The following SLC3A2 variants were observed in gnomAD, a reference collection of about 807,000 sequenced individuals.
SLC3A2 encodes solute carrier family 3 member 2.
SLC3A2 carries 32 observed loss-of-function variants against 48.5 expected under a neutral mutation model. That is an observed-to-expected ratio of 0.66 (90% CI 0.50 to 0.89). SLC3A2 has a LOEUF of 0.89. SLC3A2 is among the 40% of genes least tolerant of loss of function. The pLI is 0.00. For synonymous variants in SLC3A2, 277 were observed against 288.8 expected, an observed-to-expected ratio of 0.96 and a Z score of 0.41; for missense variants, 587 against 680.7, an observed-to-expected ratio of 0.86 and a Z score of 1.53.
upstream of SLC3A2, among the ~76,000 whole-genome samples, chr11:62,878,186 A>C (rs2085589539): frequency 6.6e-6 from 1 of 151,346 alleles, no homozygotes; most frequent in South Asian, 2.1e-4. Context: ...AAACAAAAGG[A>C]ATTGACTTCA....
At position 62,881,730 on chromosome 11, in the gene SLC3A2, G is replaced by T. The variant is rs895017493; in HGVS notation, c.425-163G>T. 1 of 867,048 alleles carries T rather than the reference G, an allele frequency of 1.2e-6. No homozygotes were observed. The highest frequency in any genetic ancestry group is 1.7e-6 in the Non-Finnish European group (1 of 575,436). 53.7% of individuals were successfully genotyped at this position (867,048 alleles called of 1,614,324 possible). On this transcript the variant is annotated intron_variant, in intron 1 of 8. Coordinates refer to ENST00000338663, the MANE Select transcript of SLC3A2 (RefSeq NM_001013251.3). This position sits in a 1 kb window ranked among gnomAD's most constrained non-coding sequence, Gnocchi z 4.0. ...AACCGGTTTCTGAAGTAATGTGCAG[G>T]ACTCCTTACATCAGCTCCTCTGAGT...
intron 1 of SLC3A2, among the ~76,000 whole-genome samples, chr11:62,870,481 G>A (rs796416523): frequency 7.9e-5 from 12 of 152,018 alleles, no homozygotes; most frequent in African/African-American, 2.7e-4. Flanking sequence ...ACCGCGCCTG[G>A]CCTATTTGAT....
chr11:62,866,007 T>C (rs1463649193), intron 1 of SLC3A2, among the ~76,000 whole-genome samples: 1 of 152,202 alleles, frequency 6.6e-6, no homozygotes, highest in African/African-American at 2.4e-5. Flanking sequence ...AGTATATTCT[T>C]GATGGTCTTG....
upstream of SLC3A2, among the ~76,000 whole-genome samples, chr11:62,877,563 G>A (rs566514684): frequency 1.7e-4 from 26 of 152,362 alleles, no homozygotes; most frequent in Middle Eastern, 0.017. Context: ...GGACATGATT[G>A]TAGCAGAGGC....
intron 1 of SLC3A2, among the ~76,000 whole-genome samples, chr11:62,866,397 C>CT (rs934249588): frequency 2.0e-5 from 3 of 150,536 alleles, no homozygotes; most frequent in Non-Finnish European, 3.0e-5. Context: ...AGTTTCTTTG[C>CT]TTTTTTTTGG....
In SLC3A2 at chr11:62,881,981, C is replaced by G. The variant is rs770121813; in HGVS notation, c.513C>G (p.Val171=). 2 of 1,614,178 alleles carry G rather than the reference C, an allele frequency of 1.2e-6. No homozygotes were observed. Among genetic ancestry groups the G allele is most frequent in the Non-Finnish European group, 1.7e-6 (2 of 1,180,040 alleles). The change falls in exon 2 of 9, where the codon GTC becomes GTG. Residue 171 remains valine (V), a synonymous_variant. Coordinates refer to ENST00000338663, the MANE Select transcript of SLC3A2 (RefSeq NM_001013251.3). The surrounding 1 kb of genome is among the most constrained non-coding windows in gnomAD (Gnocchi z 4.0). ...GPIHKNQKDD[V]AQTDLLQIDP... is the part of the protein sequence containing the mutation. Reference sequence around the variant, plus strand: ...TTCACAAGAACCAGAAGGATGATGTCGCTCAGACTGACTTGCTGCAGATCG... The same window carrying G: ...TTCACAAGAACCAGAAGGATGATGTGGCTCAGACTGACTTGCTGCAGATCG...
upstream of SLC3A2, among the ~76,000 whole-genome samples, chr11:62,877,144 T>C (rs2085579316): frequency 6.6e-6 from 1 of 150,650 alleles, no homozygotes; most frequent in Non-Finnish European, 1.5e-5. Context: ...CACTGCAACC[T>C]CTGCCTCCTG....
chr11:62,884,273 G>T, intron 3 of SLC3A2, 184 bp from the exon 4 acceptor site: 1 of 627,086 alleles, frequency 1.6e-6, no homozygotes, highest in Non-Finnish European at 2.8e-6. Context: ...TGAGTGGAAG[G>T]GTAGAGCTGG....
upstream of SLC3A2, chr11:62,876,915 G>A (rs1416804974): frequency 3.0e-6 from 3 of 998,004 alleles, no homozygotes; most frequent in Admixed American, 1.2e-4. Flanking sequence ...TTTTATTTTG[G>A]TTGAACAGTT....
At chr11:62,864,612 G>A (rs1026326852) in intron 1 of SLC3A2, among the ~76,000 whole-genome samples, 5 of 148,278 alleles carry the variant, frequency 3.4e-5, no homozygotes, top group South Asian at 2.1e-4. Context: ...GATTACAGGC[G>A]CCCACCACCA....
At chr11:62,884,729 T>A in intron 5 of SLC3A2, 39 bp downstream of exon 5, 1 of 1,529,628 alleles carries the variant, frequency 6.5e-7, no homozygotes, top group Non-Finnish European at 8.8e-7. Context: ...AGCTCCAATG[T>A]GGGAACCCCT....
chr11:62,885,136 C>T, intron 5 of SLC3A2, 41 bp from the exon 6 acceptor site: 3 of 1,605,728 alleles, frequency 1.9e-6, no homozygotes, highest in Non-Finnish European at 1.7e-6. Context: ...TGGCCCCATT[C>T]TTTCTTGTGC....
chr11:62,856,477 A>G (rs1489478353), intron 1 of SLC3A2: 3 of 1,120,032 alleles, frequency 2.7e-6, no homozygotes, highest in South Asian at 3.0e-5. Context: ...TGAAGACAGG[A>G]TCTGATTTTT....
Position 62,881,362 on chromosome 11 carries a change from G to A in SLC3A2, c.339G>A (p.Pro113=). ...IVRAPRCREL[P]AQKWWHTGAL... is the part of the protein sequence containing the mutation. Reference sequence around the variant, plus strand: ...GAGCGCCGCGTTGTCGCGAGCTACCGGCGCAGAAGTGGTGGCACACGGGCG... The same window carrying A: ...GAGCGCCGCGTTGTCGCGAGCTACCAGCGCAGAAGTGGTGGCACACGGGCG... Residue 113 remains proline, a synonymous_variant, in exon 1 of 9, where the codon CCG becomes CCA. Transcript: ENST00000338663. This position sits in a 1 kb window ranked among gnomAD's most constrained non-coding sequence, Gnocchi z 4.0. The A allele has an allele frequency of 1.3e-6, 2 of 1,597,440 alleles. No homozygotes were observed. Among genetic ancestry groups the A allele is most frequent in the Non-Finnish European group, 1.7e-6 (2 of 1,176,814 alleles).
At chr11:62,879,418 G>A (rs2085605487), upstream of SLC3A2, among the ~76,000 whole-genome samples, 2 of 152,186 alleles carry the variant, frequency 1.3e-5, no homozygotes. Flanking sequence ...TTGAGCTTTT[G>A]TGCTCGAGAT....
At position 62,881,147 on chromosome 11, in the gene SLC3A2, C is replaced by T. The variant is rs1232118150; in HGVS notation, c.124C>T (p.Leu42=). The T allele has an allele frequency of 1.9e-6, 3 of 1,602,776 alleles. No homozygotes were observed. Among genetic ancestry groups the T allele is most frequent in the African/African-American group, 1.3e-5 (1 of 75,034 alleles). ...CCTGGCGGGAGCCGAGAAGAATGGT[C>T]TGGTGAAGATCAAGGTGGCGGAAGA... is the stretch of plus-strand genomic sequence containing the variant. The part of the protein sequence containing the change: ...MSLAGAEKNG[L]VKIKVAEDEA... Residue 42 remains leucine (L), a synonymous_variant, in exon 1 of 9, where the codon CTG becomes TTG. Coordinates refer to ENST00000338663, the MANE Select transcript of SLC3A2 (RefSeq NM_001013251.3). The surrounding 1 kb of genome is among the most constrained non-coding windows in gnomAD (Gnocchi z 4.0).
intron 7 of SLC3A2, among the ~76,000 whole-genome samples, chr11:62,885,937 G>T (rs2085708038): frequency 6.6e-6 from 1 of 152,182 alleles, no homozygotes; most frequent in Non-Finnish European, 1.5e-5. Context: ...TACTGTGCTA[G>T]GCTCTGTGCC....
intron 1 of SLC3A2, among the ~76,000 whole-genome samples, chr11:62,869,523 C>CA (rs57962693): frequency 0.13 from 6,941 of 53,654 alleles, 954 homozygotes; most frequent in African/African-American, 0.34. Context: ...GACTCCATCT[C>CA]AAAAAAAAAA....
chr11:62,856,629 C>T (rs181932582), intron 1 of SLC3A2, among the ~76,000 whole-genome samples: 91 of 152,270 alleles, frequency 6.0e-4, no homozygotes, highest in Non-Finnish European at 9.3e-4. Context: ...ATCCCAAGAG[C>T]TAGGTAGGAT....
Sources: allele counts gnomAD v4.1 joint callset (sites outside exome capture counted in the v4.1 genomes callset), GRCh38; gene constraint gnomAD v4.1.1; non-coding constraint Gnocchi (gnomAD v3.1); transcripts MANE v1.5; gene names NCBI Gene and HGNC (gene_info 2026-07-23, HGNC 2026-07-21).